The following FAM107B variants were observed in gnomAD, a reference collection of about 807,000 sequenced individuals.
FAM107B encodes the protein family with sequence similarity 107 member B.
Under a neutral mutation model 31.5 loss-of-function variants are expected in FAM107B, and 21 were observed. The observed-to-expected ratio is 0.67, with a 90% CI of 0.47 to 0.96. The LOEUF is 0.96. FAM107B is among the 40% of genes least tolerant of loss of function. The probability of loss-of-function intolerance (pLI) is 0.00; values close to 1 mark genes in which losing one functional copy is unlikely to be tolerated. For synonymous variants in FAM107B, 157 were observed against 141.5 expected, an observed-to-expected ratio of 1.11 and a Z score of -0.78; for missense variants, 452 against 377.1, an observed-to-expected ratio of 1.20 and a Z score of -1.64.
intron 2 of FAM107B, among the ~76,000 whole-genome samples, chr10:14,566,665 T>A (rs566914595): frequency 3.8e-4 from 58 of 152,332 alleles, no homozygotes; most frequent in African/African-American, 1.4e-3. Context: ...ATTTGCTGTG[T>A]AGCAGTAGGT....
At chr10:14,723,184 G>T in intron 1 of FAM107B, 1 of 517,746 alleles carries the variant, frequency 1.9e-6, no homozygotes, top group South Asian at 1.4e-5. Flanking sequence ...CCATTCAGTG[G>T]TTGCTCCTAA....
At chr10:14,663,762 G>A (rs772753837) in intron 2 of FAM107B, among the ~76,000 whole-genome samples, 44 of 151,996 alleles carry the variant, frequency 2.9e-4, no homozygotes, top group Non-Finnish European at 4.9e-4. Context: ...CAGTAACAAT[G>A]GTGGTAAGGA....
intron 2 of FAM107B, among the ~76,000 whole-genome samples, chr10:14,563,746 T>C (rs1850432078): frequency 6.6e-6 from 1 of 152,202 alleles, no homozygotes; most frequent in Non-Finnish European, 1.5e-5. Context: ...TGTGTGAAAC[T>C]AGATTTTCTG....
chr10:14,610,523 C>T (rs972536110), intron 2 of FAM107B, among the ~76,000 whole-genome samples: 2 of 152,206 alleles, frequency 1.3e-5, no homozygotes, highest in Admixed American at 6.5e-5. Flanking sequence ...TTAGAGAACT[C>T]ATTTGTGGAA....
At chr10:14,773,730 T>C (rs1974069) in intron 1 of FAM107B, among the ~76,000 whole-genome samples, 68,748 of 151,948 alleles carry the variant, frequency 0.45, 18,300 homozygotes, top group African/African-American at 0.73. Flanking sequence ...TGAATAGTTT[T>C]ATAGGTCAGT....
intron 2 of FAM107B, chr10:14,604,343 A>T: frequency 1.3e-6 from 1 of 799,282 alleles, no homozygotes; most frequent in Non-Finnish European, 1.5e-6. Context: ...AGGCGGCGCG[A>T]GGGCGGCTCC....
chr10:14,583,736 A>G (rs1383828465), intron 2 of FAM107B, among the ~76,000 whole-genome samples: 6 of 152,106 alleles, frequency 3.9e-5, no homozygotes, highest in Non-Finnish European at 8.8e-5. Flanking sequence ...CAGTGGAAGG[A>G]AACTACAGGG....
In FAM107B at chr10:14,530,435, C is replaced by T. The variant is rs1188918038; in HGVS notation, c.550G>A (p.Asp184Asn). Residue 184 changes from aspartate (D) to asparagine (N), a missense_variant, in exon 3 of 5, where the codon GAT (aspartate) becomes AAT (asparagine). Physicochemically the swap from Asp to Asn is conservative, Grantham distance 23. Transcript: ENST00000181796. ...SIMAEPDYIEDDNPELIRPQK... is the reference protein window; with the variant it reads ...SIMAEPDYIENDNPELIRPQK... ...GGCCTAATGAGTTCAGGATTGTCAT[C>T]TTCTATGTAGTCTGGCTCGGCCATG... 1.2e-6 allele frequency: 2 copies of T among 1,614,074 alleles called. No homozygotes were observed. The highest frequency in any genetic ancestry group is 2.2e-5 in the South Asian group (2 of 91,082).
At chr10:14,567,722 C>G (rs544700208) in intron 2 of FAM107B, among the ~76,000 whole-genome samples, 1 of 152,186 alleles carries the variant, frequency 6.6e-6, no homozygotes, top group South Asian at 2.1e-4. Context: ...TGGAAAGGGA[C>G]CTGGAATGGG....
At chr10:14,617,157 C>T (rs952401380) in intron 2 of FAM107B, among the ~76,000 whole-genome samples, 1 of 151,248 alleles carries the variant, frequency 6.6e-6, no homozygotes, top group Admixed American at 6.6e-5. Flanking sequence ...TTAACTGACT[C>T]GGGATATTTT....
chr10:14,677,583 T>A (rs957254494), intron 1 of FAM107B, among the ~76,000 whole-genome samples: 1 of 151,638 alleles, frequency 6.6e-6, no homozygotes, highest in Non-Finnish European at 1.5e-5. Context: ...ATGGCGCCAC[T>A]GCACTCCAGC....
chr10:14,728,536 C>T (rs531579216), intron 1 of FAM107B, among the ~76,000 whole-genome samples: 1 of 152,290 alleles, frequency 6.6e-6, no homozygotes, highest in East Asian at 1.9e-4. Flanking sequence ...TGTGGGTTAT[C>T]CATCACTGAA....
chr10:14,525,292 A>C (rs1016960591), intron 3 of FAM107B, among the ~76,000 whole-genome samples: 4 of 152,214 alleles, frequency 2.6e-5, no homozygotes, highest in Non-Finnish European at 5.9e-5. Flanking sequence ...TTATGACAGT[A>C]TCACCCACGA....
intron 1 of FAM107B, among the ~76,000 whole-genome samples, chr10:14,727,405 A>G (rs1055528219): frequency 1.3e-5 from 2 of 152,196 alleles, no homozygotes; most frequent in Non-Finnish European, 2.9e-5. Flanking sequence ...CTTAACCATT[A>G]CAATGTGTTC....
At chr10:14,685,906 G>C (rs527820184) in intron 1 of FAM107B, among the ~76,000 whole-genome samples, 1 of 152,148 alleles carries the variant, frequency 6.6e-6, no homozygotes, top group Non-Finnish European at 1.5e-5. Flanking sequence ...AAAAAGAAGC[G>C]AAGACAAGCC....
chr10:14,576,529 A>C (rs200490352), intron 2 of FAM107B, among the ~76,000 whole-genome samples: 2 of 147,192 alleles, frequency 1.4e-5, no homozygotes. Context: ...TACATCTCAA[A>C]AACAACAACA....
chr10:14,649,025 C>G (rs867089813), intron 2 of FAM107B, among the ~76,000 whole-genome samples: 2 of 152,316 alleles, frequency 1.3e-5, no homozygotes, highest in Middle Eastern at 3.4e-3. Flanking sequence ...ATATAAAATT[C>G]TAAGCCCCAC....
chr10:14,548,205 G>A (rs1281437248), intron 2 of FAM107B, among the ~76,000 whole-genome samples: 2 of 152,196 alleles, frequency 1.3e-5, no homozygotes, highest in African/African-American at 4.8e-5. Flanking sequence ...AAGATCGAGA[G>A]GGGAGCAAGA....
intron 1 of FAM107B, among the ~76,000 whole-genome samples, chr10:14,717,686 A>G (rs74122963): frequency 0.13 from 19,483 of 152,142 alleles, 1,600 homozygotes; most frequent in African/African-American, 0.23. Context: ...GTGTCCACAG[A>G]TATCAAGGGT....
Sources: allele counts gnomAD v4.1 joint callset (sites outside exome capture counted in the v4.1 genomes callset), GRCh38; gene constraint gnomAD v4.1.1; transcripts MANE v1.5; gene names NCBI Gene and HGNC (gene_info 2026-07-23, HGNC 2026-07-21).